Variants in MARCHF10 observed in about 807,000 individuals in gnomAD.
The protein encoded by MARCHF10 is probable E3 ubiquitin-protein ligase MARCHF10.
Under a neutral mutation model 76.2 loss-of-function variants are expected in MARCHF10, and 64 were observed. That is an observed-to-expected ratio of 0.84 (90% CI 0.69 to 1.03). MARCHF10 has a LOEUF of 1.03. Among genes scored for constraint, MARCHF10 ranks in the 50% least tolerant of loss-of-function variants. The pLI is 0.00. For synonymous variants in MARCHF10, 340 were observed against 357.5 expected, an observed-to-expected ratio of 0.95 and a Z score of 0.55; for missense variants, 875 against 958.0, an observed-to-expected ratio of 0.91 and a Z score of 1.14.
At chr17:62,798,705 A>G (rs1568228786) in intron 2 of MARCHF10, among the ~76,000 whole-genome samples, 1 of 152,194 alleles carries the variant, frequency 6.6e-6, no homozygotes, top group Non-Finnish European at 1.5e-5. Context: ...GGCAGGAAGA[A>G]GCCAGCGCTG....
chr17:62,701,691 T>C lies in MARCHF10; in HGVS notation c.*12A>G, dbSNP rs2089244816. 1 of 1,614,028 alleles carries C rather than the reference T, an allele frequency of 6.2e-7. No individual in the cohort carries two copies. The highest frequency in any genetic ancestry group is 2.2e-5 in the East Asian group (1 of 44,874). On this transcript the variant is annotated 3_prime_UTR_variant, in exon 11 of 11. Transcript: ENST00000311269. The stretch of plus-strand genomic sequence containing the variant: ...GAGAGGTCTCCGCCGAGCTCCACAG[T>C]TGGCTTCCTTGCTAGACGACCTGGC...
intron 5 of MARCHF10, among the ~76,000 whole-genome samples, chr17:62,741,392 C>A (rs1341763863): frequency 6.6e-6 from 1 of 152,162 alleles, no homozygotes; most frequent in Non-Finnish European, 1.5e-5. Flanking sequence ...TGACACGTTA[C>A]CAAATTCCTT....
At chr17:62,792,014 T>C (rs1284463584) in intron 2 of MARCHF10, among the ~76,000 whole-genome samples, 5 of 152,100 alleles carry the variant, frequency 3.3e-5, no homozygotes, top group African/African-American at 1.2e-4. Context: ...TCTCTGATCA[T>C]GTGGCAAAAC....
At chr17:62,743,134 G>A (rs2147854667) in intron 5 of MARCHF10, among the ~76,000 whole-genome samples, 1 of 152,264 alleles carries the variant, frequency 6.6e-6, no homozygotes, top group South Asian at 2.1e-4. Flanking sequence ...TGCCCAGAGT[G>A]GCTACTTTAG....
chr17:62,725,523 C>T (rs564757323), intron 6 of MARCHF10, among the ~76,000 whole-genome samples: 104 of 152,334 alleles, frequency 6.8e-4, no homozygotes, highest in African/African-American at 2.3e-3. Context: ...CCTTGGCCTC[C>T]CAAAGTGCTG....
chr17:62,775,157 A>G (rs1211686988), intron 3 of MARCHF10, among the ~76,000 whole-genome samples: 1 of 131,348 alleles, frequency 7.6e-6, no homozygotes, highest in Non-Finnish European at 1.6e-5. Flanking sequence ...ATGAAGTCTC[A>G]CTCTCTCGCC....
intron 4 of MARCHF10, among the ~76,000 whole-genome samples, chr17:62,755,870 C>T (rs12952186): frequency 0.52 from 78,688 of 152,052 alleles, 21,434 homozygotes; most frequent in East Asian, 0.7. Context: ...TCCTAGCACT[C>T]TGGGAGGCCA....
chr17:62,778,682 CAAAAAA>C (rs71357038), intron 3 of MARCHF10, among the ~76,000 whole-genome samples: 1 of 100,826 alleles, frequency 9.9e-6, no homozygotes, highest in African/African-American at 3.6e-5. Context: ...GACTCTGTCT[CAAAAAA>C]AAAAAAAAAA....
Position 62,744,279 on chromosome 17 carries a change from AG to A in MARCHF10, c.535+96del, listed in dbSNP as rs1329553495. On this transcript the variant is annotated intron_variant, in intron 5 of 10. Coordinates refer to ENST00000311269, the MANE Select transcript of MARCHF10 (RefSeq NM_152598.4). The stretch of plus-strand genomic sequence containing the variant: ...GGTACATGCACCTCATTTACTTAAA[AG>A]TACAAGTATCTAAAAACCATAAAGA... 4.6e-6 allele frequency: 6 copies of A among 1,317,928 alleles called. No homozygotes were observed. In the African/African-American group the frequency reaches 8.9e-5, roughly 20 times the overall value. 81.6% of individuals were successfully genotyped at this position (1,317,928 alleles called of 1,614,324 possible). A position where few individuals can be genotyped will look rare whatever the true frequency, so the allele number is the denominator to read the frequency against.
intron 2 of MARCHF10, among the ~76,000 whole-genome samples, chr17:62,794,629 A>G (rs559521975): frequency 6.6e-6 from 1 of 152,172 alleles, no homozygotes; most frequent in Admixed American, 6.5e-5. Context: ...TGTTTCTTTC[A>G]TTATCAATCT....
intron 4 of MARCHF10, among the ~76,000 whole-genome samples, chr17:62,747,786 GTTGA>G (rs746419641): frequency 6.6e-6 from 1 of 152,162 alleles, no homozygotes; most frequent in Non-Finnish European, 1.5e-5. Flanking sequence ...TGTAGTTCTT[GTTGA>G]TTCTCTCCCT....
chr17:62,761,943 C>T (rs1322080559), intron 3 of MARCHF10, among the ~76,000 whole-genome samples: 1 of 152,174 alleles, frequency 6.6e-6, no homozygotes, highest in Admixed American at 6.5e-5. Flanking sequence ...TAAGTCAACT[C>T]CCACAGGGCC....
chr17:62,782,080 C>G (rs1031741386), intron 3 of MARCHF10, among the ~76,000 whole-genome samples: 1 of 152,140 alleles, frequency 6.6e-6, no homozygotes, highest in African/African-American at 2.4e-5. Context: ...AGCTATATAT[C>G]ATTCTCCTGC....
At chr17:62,701,787 G>T in intron 10 of MARCHF10, 29 bp from the exon 11 acceptor site, 1 of 1,613,718 alleles carries the variant, frequency 6.2e-7, no homozygotes. Context: ...TTTCAGGCTG[G>T]AGGGCCGCAG....
chr17:62,710,461 G>T (rs35772513), intron 9 of MARCHF10, among the ~76,000 whole-genome samples: 8,087 of 147,154 alleles, frequency 0.055, 347 homozygotes, highest in African/African-American at 0.12. Flanking sequence ...CCAGCCTGTT[G>T]TCTTAATTGA....
intron 3 of MARCHF10, among the ~76,000 whole-genome samples, chr17:62,784,068 C>CA (rs1305309192): frequency 1.3e-5 from 2 of 151,986 alleles, no homozygotes; most frequent in Admixed American, 6.6e-5. Context: ...AGAGACACAA[C>CA]AAAAAAAGAG....
chr17:62,713,729 C>T (rs1209903087), intron 8 of MARCHF10, among the ~76,000 whole-genome samples: 16 of 152,316 alleles, frequency 1.1e-4, no homozygotes, highest in South Asian at 4.1e-4. Context: ...ACTGGAGCTA[C>T]GGCCCATCCA....
At chr17:62,734,584 TA>T (rs1211267312) in intron 6 of MARCHF10, among the ~76,000 whole-genome samples, 1 of 152,220 alleles carries the variant, frequency 6.6e-6, no homozygotes, top group Non-Finnish European at 1.5e-5. Flanking sequence ...AGATACTCAC[TA>T]AAAATTGCAT....
In MARCHF10 at chr17:62,723,559, C is replaced by CTTTTTTTTTTTTTTTTTTTTTTTTTTTTT. The variant is rs60456766; in HGVS notation, c.2105-963_2105-962insAAAAAAAAAAAAAAAAAAAAAAAAAAAAA. On this transcript the variant is annotated intron_variant, in intron 7 of 10. Transcript: ENST00000311269. ...CCTTATCTGCATTTTGTTCGCTTGA[C>CTTTTTTTTTTTTTTTTTTTTTTTTTTTTT]TTTTTTTTTTTTTTTTTTTAGCGTC... 1.0e-3 allele frequency among the ~76,000 whole-genome samples: 80 copies of CTTTTTTTTTTTTTTTTTTTTTTTTTTTTT among 80,344 alleles called. 5 individuals are homozygous for CTTTTTTTTTTTTTTTTTTTTTTTTTTTTT. Among genetic ancestry groups the CTTTTTTTTTTTTTTTTTTTTTTTTTTTTT allele is most frequent in the Non-Finnish European group, 1.4e-3 (58 of 41,886 alleles). 52.7% of individuals were successfully genotyped at this position (80,344 alleles called of 152,430 possible).
Sources: allele counts gnomAD v4.1 joint callset (sites outside exome capture counted in the v4.1 genomes callset), GRCh38; gene constraint gnomAD v4.1.1; transcripts MANE v1.5; gene names NCBI Gene and HGNC (gene_info 2026-07-23, HGNC 2026-07-21).